Variants in OR51B5 observed in about 807,000 individuals in gnomAD.
OR51B5 encodes the protein olfactory receptor 51B5.
For synonymous variants in OR51B5, 186 were observed against 144.8 expected (o/e 1.28, Z -2.04); for missense variants, 456 against 374.6 (o/e 1.22, Z -1.79).
At position 5,342,621 on chromosome 11, in the gene OR51B5, G is replaced by C. The variant is rs773359755; in HGVS notation, c.904C>G (p.Leu302Val). 15 of 1,603,796 alleles carry C rather than the reference G, an allele frequency of 9.4e-6. No homozygotes were observed. The highest frequency in any genetic ancestry group is 1.2e-5 in the Non-Finnish European group (14 of 1,175,904). The change falls in exon 1 of 1, where the codon CTT becomes GTT. Residue 302 changes from leucine to valine, a missense_variant. Physicochemically the swap from Leu to Val is conservative, Grantham distance 32 (BLOSUM62 1). Transcript: ENST00000300773. ...ATTCTATGGGTAGTAAAAAGGTGAAGAATGGCATTCTGAATCTGCTTGGTC... is the reference window on the plus strand; with the variant it reads ...ATTCTATGGGTAGTAAAAAGGTGAACAATGGCATTCTGAATCTGCTTGGTC...
intron 1 of OR51B5, among the ~76,000 whole-genome samples, chr11:5,467,008 T>G (rs1564822984): frequency 6.6e-6 from 1 of 152,194 alleles, no homozygotes; most frequent in Non-Finnish European, 1.5e-5. Context: ...GTACTTTCCT[T>G]TGGGCTGAGG....
At chr11:5,353,972 G>T (rs1336589399) in intron 1 of OR51B5, among the ~76,000 whole-genome samples, 1 of 82,342 alleles carries the variant, frequency 1.2e-5, no homozygotes, top group Non-Finnish European at 2.9e-5. Flanking sequence ...GGCTGTGTGT[G>T]AAATTTGCCT....
At chr11:5,431,915 T>C (rs1850539966) in intron 1 of OR51B5, among the ~76,000 whole-genome samples, 2 of 152,208 alleles carry the variant, frequency 1.3e-5, no homozygotes, top group Non-Finnish European at 2.9e-5. Context: ...TATTTGTACA[T>C]ATTTATGGGA....
At chr11:5,479,436 G>A (rs1282384622) in intron 1 of OR51B5, among the ~76,000 whole-genome samples, 2 of 151,640 alleles carry the variant, frequency 1.3e-5, no homozygotes, top group African/African-American at 4.9e-5. Context: ...ATTCAGACTA[G>A]GAAGAAACTG....
upstream of OR51B5, chr11:5,345,987 G>C (rs531887997): frequency 6.6e-6 from 1 of 152,054 alleles, no homozygotes; most frequent in Non-Finnish European, 1.5e-5. Context: ...AGATAATCCA[G>C]CTTAGCTCCT....
chr11:5,432,591 T>C (rs940627464), intron 1 of OR51B5, among the ~76,000 whole-genome samples: 1 of 152,216 alleles, frequency 6.6e-6, no homozygotes, highest in African/African-American at 2.4e-5. Flanking sequence ...TTACTGAACA[T>C]GTGACATTAA....
At chr11:5,372,039 C>T (rs2647611) in intron 1 of OR51B5, among the ~76,000 whole-genome samples, 30,218 of 151,968 alleles carry the variant, frequency 0.2, 3,216 homozygotes, top group Middle Eastern at 0.36. Context: ...GCAAAATGTA[C>T]TCTAGGTTTA....
intron 1 of OR51B5, chr11:5,430,928 T>A: frequency 2.2e-6 from 1 of 456,978 alleles, no homozygotes. Context: ...CCCATCACTG[T>A]ATAAAGAATC....
At chr11:5,445,312 T>C (rs1315820767) in intron 1 of OR51B5, among the ~76,000 whole-genome samples, 1 of 152,180 alleles carries the variant, frequency 6.6e-6, no homozygotes, top group African/African-American at 2.4e-5. Context: ...CAATAAAATA[T>C]CCAACAAATT....
At chr11:5,348,250 C>T (rs150831682), upstream of OR51B5, among the ~76,000 whole-genome samples, 1,815 of 152,152 alleles carry the variant, frequency 0.012, 23 homozygotes, top group Non-Finnish European at 0.02. Context: ...AACAATTCTA[C>T]GAACAAACCA....
At chr11:5,433,698 T>C (rs1850560944) in intron 1 of OR51B5, among the ~76,000 whole-genome samples, 1 of 152,158 alleles carries the variant, frequency 6.6e-6, no homozygotes, top group East Asian at 1.9e-4. Context: ...CTGGGCATGG[T>C]GGCACATGCC....
chr11:5,360,158 C>T (rs1417903421), intron 1 of OR51B5, among the ~76,000 whole-genome samples: 2 of 148,174 alleles, frequency 1.3e-5, no homozygotes, highest in East Asian at 3.9e-4. Context: ...TCTAATTAAA[C>T]TAAAGAGCTT....
At chr11:5,472,459 A>G (rs1442173077) in intron 1 of OR51B5, among the ~76,000 whole-genome samples, 1 of 152,058 alleles carries the variant, frequency 6.6e-6, no homozygotes, top group Non-Finnish European at 1.5e-5. Context: ...CAAGTACTGC[A>G]CACACTGCAC....
chr11:5,496,754 T>C (rs895533847), intron 1 of OR51B5, among the ~76,000 whole-genome samples: 8 of 152,332 alleles, frequency 5.3e-5, no homozygotes, highest in East Asian at 3.9e-4. Flanking sequence ...TGGGTGTATA[T>C]ATTGCTGAAT....
At chr11:5,481,522 G>A (rs1336508431) in intron 1 of OR51B5, among the ~76,000 whole-genome samples, 34 of 145,472 alleles carry the variant, frequency 2.3e-4, no homozygotes, top group Non-Finnish European at 3.4e-4. Flanking sequence ...AATTAGGCAG[G>A]AGAAGGAAAT....
In OR51B5 at chr11:5,459,927, G is replaced by A. The variant is rs116997990; in HGVS notation, n.84+45642C>T. Among the ~76,000 whole-genome samples, 614 of 152,190 alleles carry A rather than the reference G, an allele frequency of 4.0e-3. 4 individuals carry two copies. Among genetic ancestry groups the A allele is most frequent in the Non-Finnish European group, 7.3e-3 (499 of 68,006 alleles). On this transcript the variant is annotated intron_variant and non_coding_transcript_variant, in intron 1 of 4. Coordinates refer to the OR51B5 transcript ENST00000415970. ...ATTGTTCTACCATAAAAACACATGTGTATGTTCACTGCAGCACTATTCCCA... is the reference window on the plus strand; with the variant it reads ...ATTGTTCTACCATAAAAACACATGTATATGTTCACTGCAGCACTATTCCCA...
At chr11:5,398,306 GCTTGTTTCCCTT>G in intron 1 of OR51B5, among the ~76,000 whole-genome samples, 1 of 152,266 alleles carries the variant, frequency 6.6e-6, no homozygotes, top group Middle Eastern at 3.4e-3. Flanking sequence ...CTATATCTTT[GCTTGTTTCCCTT>G]AGGTTCTCTG....
intron 1 of OR51B5, chr11:5,403,072 A>G (rs892826284): frequency 6.4e-6 from 3 of 471,636 alleles, no homozygotes; most frequent in African/African-American, 2.0e-5. Flanking sequence ...CATTATGCTC[A>G]TGGCTCCGTT....
chr11:5,479,458 G>A (rs959314399), intron 1 of OR51B5, among the ~76,000 whole-genome samples: 18 of 151,270 alleles, frequency 1.2e-4, no homozygotes, highest in African/African-American at 3.9e-4. Flanking sequence ...ATCAACTAAC[G>A]AGCAAAATCA....
Sources: gnomAD v4.1 joint callset for allele counts (sites outside exome capture counted in the v4.1 genomes callset) on GRCh38, gnomAD v4.1.1 for gene constraint, MANE v1.5 for transcripts, NCBI Gene and HGNC (gene_info 2026-07-23, HGNC 2026-07-21) for gene names.